Variants in KIF5B observed in about 807,000 individuals in gnomAD.
KIF5B encodes the protein kinesin family member 5B, also known as kinesin-1 heavy chain.
Under a neutral mutation model 132.8 loss-of-function variants are expected in KIF5B, and 49 were observed. That is an observed-to-expected ratio of 0.37 (90% CI 0.29 to 0.47). KIF5B has a LOEUF of 0.47. KIF5B is among the 20% of genes least tolerant of loss of function. The pLI is 1.00. For missense variants in KIF5B, 780 were observed against 1,144.0 expected (o/e 0.68, Z 4.59); for synonymous variants, 355 against 369.4 (o/e 0.96, Z 0.45).
chr10:32,015,392 T>C, intron 25 of KIF5B, 117 bp downstream of exon 25: 1 of 707,420 alleles, frequency 1.4e-6, no homozygotes, highest in African/African-American at 1.8e-5. Context: ...ATTACTTTTA[T>C]AATGCTTAAG....
At chr10:32,054,342 A>C (rs1403264285) in intron 1 of KIF5B, among the ~76,000 whole-genome samples, 1 of 152,246 alleles carries the variant, frequency 6.6e-6, no homozygotes, top group Non-Finnish European at 1.5e-5. Flanking sequence ...GATGTCATTT[A>C]CACACGAGTT....
intron 14 of KIF5B, 131 bp from the exon 15 acceptor site, chr10:32,028,702 A>G: frequency 1.4e-6 from 1 of 731,236 alleles, no homozygotes; most frequent in Non-Finnish European, 2.2e-6. Flanking sequence ...ATTTTTCTTG[A>G]ACTATCTACC....
intron 4 of KIF5B, 124 bp downstream of exon 4, chr10:32,039,203 T>C: frequency 1.9e-6 from 1 of 539,496 alleles, no homozygotes; most frequent in East Asian, 3.3e-5. Flanking sequence ...CTAACCTGAA[T>C]GATCTTTCAA....
In KIF5B at chr10:32,012,749, A is replaced by G. The variant is rs150020123; in HGVS notation, c.*21-1233T>C. 2.8e-3 allele frequency among the ~76,000 whole-genome samples: 426 copies of G among 152,300 alleles called. 2 individuals carry two copies. Among genetic ancestry groups the G allele is most frequent in the African/African-American group, 9.5e-3 (396 of 41,572 alleles). On this transcript the variant is annotated intron_variant, in intron 25 of 25. Coordinates refer to ENST00000302418, the MANE Select transcript of KIF5B (RefSeq NM_004521.3). ...AATGAGGTAAGTTTAAAGTTGACAT[A>G]TGAATTTTAATGTGAGGACAATATC...
chr10:32,028,076 A>C (rs907452249), intron 15 of KIF5B, among the ~76,000 whole-genome samples: 15 of 151,962 alleles, frequency 9.9e-5, no homozygotes, highest in African/African-American at 3.6e-4. Flanking sequence ...AGGCTCAAGC[A>C]ATCCTCCCAC....
intron 20 of KIF5B, 25 bp from the exon 21 acceptor site, chr10:32,018,587 AT>A: frequency 6.8e-7 from 1 of 1,472,114 alleles, no homozygotes; most frequent in Non-Finnish European, 9.0e-7. Flanking sequence ...ACAAACATAT[AT>A]TTTCAAATTT....
At chr10:32,016,568 C>T (rs1462176549) in intron 24 of KIF5B, among the ~76,000 whole-genome samples, 2 of 152,178 alleles carry the variant, frequency 1.3e-5, no homozygotes, top group Admixed American at 6.5e-5. Flanking sequence ...GCTCGTCACC[C>T]AGGCCGGAGT....
chr10:32,045,154 A>G (rs1841593095), intron 2 of KIF5B, among the ~76,000 whole-genome samples: 1 of 151,480 alleles, frequency 6.6e-6, no homozygotes, highest in South Asian at 2.1e-4. Flanking sequence ...GTATCAGCCT[A>G]TTATTAAGAG....
intron 15 of KIF5B, among the ~76,000 whole-genome samples, chr10:32,025,502 A>C (rs1841323260): frequency 6.6e-6 from 1 of 152,126 alleles, no homozygotes; most frequent in Non-Finnish European, 1.5e-5. Context: ...TAGCCTCCCA[A>C]ATAGCTGGGA....
chr10:32,029,437 A>C (rs911539936), intron 14 of KIF5B, among the ~76,000 whole-genome samples: 4 of 152,182 alleles, frequency 2.6e-5, no homozygotes, highest in Non-Finnish European at 4.4e-5. Context: ...ACTTTTCATC[A>C]GTATCTTTTA....
chr10:32,019,906 T>C lies in KIF5B; in HGVS notation c.2258A>G (p.Lys753Arg). ...CTTTTCCTGATCTGTGGCTTTCAAC[T>C]TCTCATGTTCTACTCTTAGACGTTC... is the stretch of plus-strand genomic sequence containing the variant. ...EQERLRVEHE[K>R]LKATDQEKSR... The change falls in exon 20 of 26, where the codon AAG becomes AGG. Residue 753 changes from lysine to arginine, a missense_variant. Lys to Arg is a conservative substitution (Grantham distance 26). Transcript: ENST00000302418. 6.2e-7 allele frequency: 1 copy of C among 1,612,650 alleles called. No individual in the cohort carries two copies. The highest frequency in any genetic ancestry group is 8.5e-7 in the Non-Finnish European group (1 of 1,179,612).
At position 32,009,696 on chromosome 10, in the gene KIF5B, A is replaced by T. The variant is rs1267052244; in HGVS notation, c.*1841T>A. On this transcript the variant is annotated 3_prime_UTR_variant, in exon 26 of 26. Transcript: ENST00000302418. ...CTGCTTCATTTACGAATGTTGCCAAAGGAGGCAAGTTTTCAACTGAAAACA... is the reference window on the plus strand; with the variant it reads ...CTGCTTCATTTACGAATGTTGCCAATGGAGGCAAGTTTTCAACTGAAAACA... 1 of 152,248 alleles carries T rather than the reference A, an allele frequency of 6.6e-6. No individual in the cohort carries two copies. The allele number at this position is 152,248 out of a possible 1,614,324, so 9.4% of individuals were successfully genotyped here.
chr10:32,023,427 A>C (rs968290760), intron 15 of KIF5B, among the ~76,000 whole-genome samples: 3 of 152,184 alleles, frequency 2.0e-5, no homozygotes, highest in Non-Finnish European at 4.4e-5. Context: ...TAACAAGAGG[A>C]TGTTTAGGTG....
intron 12 of KIF5B, 78 bp from the exon 13 acceptor site, chr10:32,032,852 A>G: frequency 1.0e-6 from 1 of 980,944 alleles, no homozygotes; most frequent in Non-Finnish European, 1.6e-6. Flanking sequence ...TTATAAGATT[A>G]CTACTCCCCA....
rs1841069828 is a variant in KIF5B, at chr10:32,010,951, T to TA, written c.*585dup. 1 of 152,126 alleles carries TA rather than the reference T, an allele frequency of 6.6e-6. No homozygotes were observed. Among genetic ancestry groups the TA allele is most frequent in the South Asian group, 2.1e-4 (1 of 4,830 alleles). The allele number at this position is 152,126 out of a possible 1,614,324, so 9.4% of individuals were successfully genotyped here. Reference sequence around the variant, plus strand: ...TTTCAGGAGCAAACTTCAGAAACAATACAAGTAATTTTAACCCTGATATCA... The same window carrying TA: ...TTTCAGGAGCAAACTTCAGAAACAATAACAAGTAATTTTAACCCTGATATCA... On this transcript the variant is annotated 3_prime_UTR_variant, in exon 26 of 26. Transcript: ENST00000302418.
chr10:32,055,270 A>G (rs777204656), intron 1 of KIF5B, among the ~76,000 whole-genome samples: 6 of 152,124 alleles, frequency 3.9e-5, no homozygotes, highest in Non-Finnish European at 7.3e-5. Context: ...CATCACTCAA[A>G]AAGTGGTGGG....
chr10:32,044,469 C>A (rs944410282), intron 2 of KIF5B, among the ~76,000 whole-genome samples: 1 of 152,188 alleles, frequency 6.6e-6, no homozygotes, highest in Non-Finnish European at 1.5e-5. Context: ...GTTGGCAGTT[C>A]AAGACCAGCC....
intron 24 of KIF5B, among the ~76,000 whole-genome samples, chr10:32,016,913 C>T (rs1423367673): frequency 6.6e-6 from 1 of 152,188 alleles, no homozygotes; most frequent in Non-Finnish European, 1.5e-5. Context: ...AATAATATTG[C>T]TCTATATAGT....
chr10:32,054,018 A>T (rs1841723964), intron 1 of KIF5B, among the ~76,000 whole-genome samples: 1 of 152,218 alleles, frequency 6.6e-6, no homozygotes, highest in Non-Finnish European at 1.5e-5. Flanking sequence ...TTTACCTTCT[A>T]ATCTTAGTAC....
Sources: allele counts gnomAD v4.1 joint callset (sites outside exome capture counted in the v4.1 genomes callset), GRCh38; gene constraint gnomAD v4.1.1; transcripts MANE v1.5; gene names NCBI Gene and HGNC (gene_info 2026-07-23, HGNC 2026-07-21).